INSL6: variants seen among roughly 807,000 people sequenced by gnomAD.
INSL6 encodes the protein insulin-like peptide INSL6.
In INSL6, 16 loss-of-function variants were observed where a neutral mutation model predicts 9.4. The observed-to-expected ratio is 1.70, with a 90% CI of 1.15 to 2.59. The LOEUF (loss-of-function observed/expected upper bound fraction) is 2.59. Among genes scored for constraint, INSL6 ranks in the 30% most tolerant of loss-of-function variants. The probability of loss-of-function intolerance (pLI) is 0.00; values close to 1 mark genes in which losing one functional copy is unlikely to be tolerated. For synonymous variants in INSL6, 154 were observed against 96.9 expected, an observed-to-expected ratio of 1.59 and a Z score of -3.46; for missense variants, 391 against 257.3, an observed-to-expected ratio of 1.52 and a Z score of -3.56.
At chr9:5,041,798 T>A in the INSL6 span, 1 of 486,086 alleles carries the variant, frequency 2.1e-6, no homozygotes, top group Non-Finnish European at 4.1e-6. Flanking sequence ...GGGACAAAGA[T>A]CAGCCGCACA....
the INSL6 span, chr9:5,112,131 C>T: frequency 6.3e-6 from 2 of 315,508 alleles, no homozygotes; most frequent in African/African-American, 2.2e-5. Context: ...GCAGCCACGC[C>T]ATGGGCACGG....
At chr9:5,045,388 C>G in the INSL6 span, among the ~76,000 whole-genome samples, 6 of 152,100 alleles carry the variant, frequency 3.9e-5, no homozygotes, top group Non-Finnish European at 8.8e-5. Context: ...ATGAGACCAA[C>G]AAACTTTATT....
chr9:5,020,963 C>T, the INSL6 span, among the ~76,000 whole-genome samples: 1 of 152,072 alleles, frequency 6.6e-6, no homozygotes, highest in Non-Finnish European at 1.5e-5. Flanking sequence ...AGCATAAGCT[C>T]CCTCTCTAAA....
At chr9:5,096,074 T>A in the INSL6 span, among the ~76,000 whole-genome samples, 26 of 152,170 alleles carry the variant, frequency 1.7e-4, no homozygotes, top group Non-Finnish European at 2.9e-4. Flanking sequence ...ATTATAGCTA[T>A]CATAACACTA....
chr9:5,142,168 C>CTT (rs1824513777), intron 2 of INSL6, among the ~76,000 whole-genome samples: 1 of 152,090 alleles, frequency 6.6e-6, no homozygotes, highest in Non-Finnish European at 1.5e-5. Flanking sequence ...CAGCTTTGTT[C>CTT]TTTTTGCTGA....
the INSL6 span, among the ~76,000 whole-genome samples, chr9:5,093,738 A>G: frequency 2.3e-4 from 35 of 152,282 alleles, 1 homozygote; most frequent in East Asian, 4.4e-3. Flanking sequence ...CCTAGGGATA[A>G]CAGTGCAATC....
intron 3 of INSL6, among the ~76,000 whole-genome samples, chr9:5,125,538 T>C (rs1823926940): frequency 6.7e-6 from 1 of 148,446 alleles, no homozygotes; most frequent in Admixed American, 6.8e-5. Flanking sequence ...AAAGTATAAG[T>C]AAAAGTTATG....
the INSL6 span, chr9:5,090,650 A>ATAGAT: frequency 6.6e-7 from 1 of 1,512,528 alleles, no homozygotes; most frequent in East Asian, 2.3e-5. Flanking sequence ...AGACGTTTTC[A>ATAGAT]TAGATAATAA....
the INSL6 span, chr9:5,022,179 A>G: frequency 1.2e-6 from 2 of 1,614,166 alleles, no homozygotes; most frequent in Admixed American, 3.3e-5. Context: ...AGTATGTTGC[A>G]GAAGAAATCT....
At chr9:5,090,635 C>A in the INSL6 span, 23 of 1,523,802 alleles carry the variant, frequency 1.5e-5, no homozygotes, top group Admixed American at 1.3e-4. Flanking sequence ...ATTAGGAAAT[C>A]ATCTAGACGT....
the INSL6 span, among the ~76,000 whole-genome samples, chr9:5,004,216 A>C: frequency 6.6e-6 from 1 of 152,212 alleles, no homozygotes; most frequent in African/African-American, 2.4e-5. Flanking sequence ...GATGTACAAT[A>C]GATCTCTTCA....
the INSL6 span, chr9:5,072,665 G>T: frequency 6.8e-7 from 1 of 1,470,554 alleles, no homozygotes; most frequent in African/African-American, 1.4e-5. Flanking sequence ...AGTTTATGCT[G>T]TTTAAAGATG....
the INSL6 span, among the ~76,000 whole-genome samples, chr9:5,075,480 A>G: frequency 1.3e-5 from 2 of 152,208 alleles, no homozygotes; most frequent in Middle Eastern, 3.2e-3. Context: ...CAAAAATCCC[A>G]GGGCTCTGCG....
At chr9:5,070,216 T>C in the INSL6 span, among the ~76,000 whole-genome samples, 1 of 142,212 alleles carries the variant, frequency 7.0e-6, no homozygotes, top group Non-Finnish European at 1.6e-5. Context: ...TGTTAGATGT[T>C]AGCAAAATTA....
Position 5,143,134 on chromosome 9 carries a change from T to C in INSL6, c.377-9542A>G, listed in dbSNP as rs139778263. ...TTTTTGTACTGATGTTCATCAAGGA[T>C]ATAGGCTTGAAGTTTTCTTTTTTTT... On this transcript the variant is annotated intron_variant, in intron 2 of 3. Transcript: ENST00000649639. Among the ~76,000 whole-genome samples the C allele has an allele frequency of 2.0e-4, 31 of 152,272 alleles. No homozygotes were observed. The East Asian group carries it at 2.9e-3, about 14-fold the overall frequency.
chr9:5,168,346 T>C (rs528542310), intron 1 of INSL6, among the ~76,000 whole-genome samples: 70 of 152,280 alleles, frequency 4.6e-4, no homozygotes, highest in African/African-American at 1.6e-3. Context: ...TTACAGGAGC[T>C]GTTAACAAGA....
chr9:5,050,819 ATAACTCTATCAGG>A, the INSL6 span: 1 of 1,613,276 alleles, frequency 6.2e-7, no homozygotes, highest in Non-Finnish European at 8.5e-7. Context: ...CTGGCCATCT[ATAACTCTATCAGG>A]TAATTTTCTT....
chr9:5,151,249 T>A (rs1357844394), intron 2 of INSL6, among the ~76,000 whole-genome samples: 1 of 152,022 alleles, frequency 6.6e-6, no homozygotes, highest in Admixed American at 6.6e-5. Flanking sequence ...TTACATAGAT[T>A]CAACATTCAA....
At chr9:5,167,086 T>G (rs982887834) in intron 1 of INSL6, among the ~76,000 whole-genome samples, 10 of 151,920 alleles carry the variant, frequency 6.6e-5, no homozygotes, top group Non-Finnish European at 1.5e-4. Context: ...ACTAGGAGGT[T>G]GGCGTGACTC....
Sources: allele counts gnomAD v4.1 joint callset (sites outside exome capture counted in the v4.1 genomes callset), GRCh38; gene constraint gnomAD v4.1.1; transcripts MANE v1.5; gene names NCBI Gene and HGNC (gene_info 2026-07-23, HGNC 2026-07-21).